The following CDH23 variants were observed in gnomAD, a reference collection of about 807,000 sequenced individuals.
CDH23 encodes the protein cadherin related 23.
CDH23 carries 189 observed loss-of-function variants against 317.1 expected under a neutral mutation model. The observed-to-expected ratio is 0.60, with a 90% confidence interval of 0.53 to 0.67. CDH23 has a LOEUF of 0.67. CDH23 is among the 30% of genes least tolerant of loss of function. The pLI, the probability that CDH23 is intolerant of heterozygous loss-of-function variation, is 0.00. For missense variants in CDH23, 4,401 were observed against 4,592.4 expected, an observed-to-expected ratio of 0.96 and a Z score of 1.20; for synonymous variants, 1,839 against 1,876.8, an observed-to-expected ratio of 0.98 and a Z score of 0.52.
chr10:71,793,158 T>C, intron 47 of CDH23, 24 bp from the exon 48 acceptor site: 1 of 1,576,182 alleles, frequency 6.3e-7, no homozygotes, highest in Non-Finnish European at 8.7e-7. Context: ...TGTGCGCAGC[T>C]ACTCCCTTTT....
In CDH23 at chr10:71,645,938, C is replaced by T; in HGVS notation, c.1248C>T (p.Ala416=). 6.2e-7 allele frequency: 1 copy of T among 1,613,494 alleles called. No homozygotes were observed. Among genetic ancestry groups the T allele is most frequent in the South Asian group, 1.1e-5 (1 of 91,004 alleles). Residue 416 remains alanine, a synonymous_variant, in exon 13 of 70, where the codon GCC becomes GCT. Coordinates refer to ENST00000224721, the MANE Select transcript of CDH23 (RefSeq NM_022124.6). ...AGGCGGACATTCGTATTCGGGTGGC[C>T]ATCCCACTGGACTACGAGACCGTGG... The part of the protein sequence containing the change: ...QGKADIRIRV[A]IPLDYETVDR...
chr10:71,799,202 G>A lies in CDH23; in HGVS notation c.7146G>A (p.Arg2382=). 1.9e-6 allele frequency: 3 copies of A among 1,614,030 alleles called. No homozygotes were observed. The highest frequency in any genetic ancestry group is 2.5e-6 in the Non-Finnish European group (3 of 1,179,884). Residue 2382 remains arginine, a synonymous_variant, in exon 51 of 70, where the codon CGG becomes CGA. Transcript: ENST00000224721. ...VRASDNGSPP[R]AAEIPVYLEI... is the part of the protein sequence containing the mutation. ...CCTCAGACAACGGGTCCCCGCCCCG[G>A]GCAGCTGAGATCCCTGTCTACCTGG...
intron 14 of CDH23, among the ~76,000 whole-genome samples, chr10:71,670,191 C>T (rs187504547): frequency 4.2e-4 from 64 of 152,302 alleles, no homozygotes; most frequent in African/African-American, 3.1e-4. Flanking sequence ...CTATAAACCC[C>T]GCCTCGCCCC....
rs1302188034 is a variant in CDH23, at chr10:71,754,585, G to C, written c.4845+12664G>C. On this transcript the variant is annotated intron_variant, in intron 38 of 69. Transcript: ENST00000224721. ...CAAGGGGCACTGTCACCTGGCCAGGGTGGGAGGTGAAAGATGTTTGTGCCC... is the reference window on the plus strand; with the variant it reads ...CAAGGGGCACTGTCACCTGGCCAGGCTGGGAGGTGAAAGATGTTTGTGCCC... Among the ~76,000 whole-genome samples, 4 of 152,196 alleles carry C rather than the reference G, an allele frequency of 2.6e-5. No individual in the cohort carries two copies. In the East Asian group the frequency reaches 5.8e-4, roughly 22 times the overall value.
At chr10:71,594,016 C>T (rs1181123183) in intron 9 of CDH23, among the ~76,000 whole-genome samples, 1 of 152,102 alleles carries the variant, frequency 6.6e-6, no homozygotes, top group Non-Finnish European at 1.5e-5. Flanking sequence ...ATTGCTTGAC[C>T]CCAGGAGTTT....
chr10:71,652,876 G>T (rs1006998868), intron 14 of CDH23, among the ~76,000 whole-genome samples: 1 of 152,194 alleles, frequency 6.6e-6, no homozygotes, highest in Non-Finnish European at 1.5e-5. Flanking sequence ...GCCAGGGGCT[G>T]GTTCAGGGCC....
chr10:71,803,500 T>C, intron 55 of CDH23, 80 bp downstream of exon 55: 1 of 1,279,736 alleles, frequency 7.8e-7, no homozygotes, highest in Admixed American at 2.3e-5. Context: ...AGCACCCCAC[T>C]CTAAAGGTGG....
chr10:71,585,410 T>C (rs1326270314), intron 9 of CDH23, among the ~76,000 whole-genome samples: 3 of 152,176 alleles, frequency 2.0e-5, no homozygotes, highest in African/African-American at 7.2e-5. Flanking sequence ...TCCAAGCCTT[T>C]CTTACCTGCC....
In CDH23 at chr10:71,706,964, C is replaced by A; in HGVS notation, c.3021C>A (p.Asp1007Glu). Residue 1007 changes from aspartate to glutamate, a missense_variant, in exon 26 of 70, where the codon GAC becomes GAA. Physicochemically the swap from Asp to Glu is conservative, Grantham distance 45 (BLOSUM62 2). This residue lies in a region of CDH23 where 3,068 missense variants were observed against 3,203.3 expected (regional missense o/e 0.96). Transcript: ENST00000224721. ...TGTACAATGTGTCTGTGTCCGAGGA[C>A]GTGCCACGCGAGTTCCGGGTGGTCT... is the stretch of plus-strand genomic sequence containing the variant. ...PAVYNVSVSE[D>E]VPREFRVVWL... is the part of the protein sequence containing the mutation. 1 of 1,607,254 alleles carries A rather than the reference C, an allele frequency of 6.2e-7. No individual in the cohort carries two copies. The highest frequency in any genetic ancestry group is 8.5e-7 in the Non-Finnish European group (1 of 1,177,096).
chr10:71,677,733 T>C, intron 16 of CDH23, 40 bp downstream of exon 16: 1 of 1,469,320 alleles, frequency 6.8e-7, no homozygotes. Context: ...CCATTTATCT[T>C]AGCCTTCTCC....
At chr10:71,538,074 G>A (rs1855797986) in intron 6 of CDH23, among the ~76,000 whole-genome samples, 1 of 152,156 alleles carries the variant, frequency 6.6e-6, no homozygotes, top group African/African-American at 2.4e-5. Flanking sequence ...GAGATCCAAA[G>A]TCAGGCCAAT....
chr10:71,400,413 GAGGAACTATGGGA>G (rs776891971), intron 1 of CDH23, among the ~76,000 whole-genome samples: 12,545 of 152,246 alleles, frequency 0.082, 1,606 homozygotes, highest in African/African-American at 0.27. Context: ...AGGTGATGAG[GAGGAACTATGGGA>G]GACACAGTCA....
intron 28 of CDH23, chr10:71,713,237 G>C (rs925360586): frequency 1.3e-6 from 1 of 779,298 alleles, no homozygotes; most frequent in African/African-American, 1.7e-5. Flanking sequence ...GAAGTAAACA[G>C]GCACAAGAAG....
At chr10:71,762,862 T>C (rs1183761511) in intron 38 of CDH23, among the ~76,000 whole-genome samples, 1 of 152,216 alleles carries the variant, frequency 6.6e-6, no homozygotes, top group Non-Finnish European at 1.5e-5. Context: ...TCTAGTTCTG[T>C]TTGGTTTTTT....
chr10:71,528,230 C>T (rs1564633603), intron 6 of CDH23, among the ~76,000 whole-genome samples: 2 of 152,094 alleles, frequency 1.3e-5, no homozygotes, highest in South Asian at 4.2e-4. Flanking sequence ...GAAAGACCAT[C>T]CTGGGGTAGG....
intron 3 of CDH23, among the ~76,000 whole-genome samples, chr10:71,500,094 AT>A (rs1477810511): frequency 6.6e-6 from 1 of 151,686 alleles, no homozygotes; most frequent in Non-Finnish European, 1.5e-5. Flanking sequence ...TTTATTGTAT[AT>A]TTTAAAAGAG....
intron 3 of CDH23, among the ~76,000 whole-genome samples, chr10:71,448,411 T>G (rs560277826): frequency 6.6e-6 from 1 of 152,346 alleles, no homozygotes; most frequent in South Asian, 2.1e-4. Context: ...AGGGTGGCTG[T>G]CTAGTGCCAT....
chr10:71,540,545 C>T (rs1360758645), intron 6 of CDH23, among the ~76,000 whole-genome samples: 3 of 152,142 alleles, frequency 2.0e-5, no homozygotes, highest in African/African-American at 7.2e-5. Flanking sequence ...CTCACTACCC[C>T]AGGAAGACCC....
chr10:71,812,979 C>A, intron 68 of CDH23, 89 bp downstream of exon 68: 1 of 1,552,902 alleles, frequency 6.4e-7, no homozygotes, highest in Non-Finnish European at 8.7e-7. Flanking sequence ...GACCTCCAGG[C>A]TCAGCTAGAC....
Sources: allele counts gnomAD v4.1 joint callset (sites outside exome capture counted in the v4.1 genomes callset), GRCh38; gene constraint gnomAD v4.1.1; regional missense constraint gnomAD v4.1.1; transcripts MANE v1.5; gene names NCBI Gene and HGNC (gene_info 2026-07-23, HGNC 2026-07-21).